The following UMAD1 variants were observed in gnomAD, a reference collection of about 807,000 sequenced individuals.
UMAD1 encodes the protein UBAP1-MVB12-associated (UMA)-domain containing protein 1.
UMAD1 carries 8 observed loss-of-function variants against 6.1 expected under a neutral mutation model. The ratio of observed to expected loss-of-function variants is 1.30; its 90% CI spans 0.76 to 2.35. The LOEUF (loss-of-function observed/expected upper bound fraction) is 2.35, where lower values mean the gene tolerates loss of function less well. Ranked by LOEUF, UMAD1 falls within the 30% of genes most tolerant of loss-of-function variation. The probability of loss-of-function intolerance (pLI) is 0.00; values close to 1 mark genes in which losing one functional copy is unlikely to be tolerated. For missense variants in UMAD1, 130 were observed against 78.4 expected, an observed-to-expected ratio of 1.66 and a Z score of -2.49; for synonymous variants, 56 against 31.4, an observed-to-expected ratio of 1.78 and a Z score of -2.61.
intron 2 of UMAD1, among the ~76,000 whole-genome samples, chr7:7,757,858 C>T (rs1393206574): frequency 6.6e-6 from 1 of 152,042 alleles, no homozygotes; most frequent in East Asian, 1.9e-4. Flanking sequence ...CTGTTGGTTC[C>T]ACTCCCGCCA....
intron 1 of UMAD1, among the ~76,000 whole-genome samples, chr7:7,671,972 A>G (rs1779616742): frequency 6.6e-6 from 1 of 152,066 alleles, no homozygotes; most frequent in African/African-American, 2.4e-5. Flanking sequence ...TATGTTTTCT[A>G]GCAACCAATA....
chr7:7,780,081 A>G (rs918104719), intron 2 of UMAD1, among the ~76,000 whole-genome samples: 9 of 152,100 alleles, frequency 5.9e-5, no homozygotes, highest in Middle Eastern at 3.2e-3. Flanking sequence ...AAGGGGCATT[A>G]TTGTTCTTTT....
chr7:7,758,978 G>A (rs1021014887), intron 2 of UMAD1, among the ~76,000 whole-genome samples: 42 of 152,158 alleles, frequency 2.8e-4, no homozygotes, highest in African/African-American at 9.9e-4. Flanking sequence ...TTGGGGACTA[G>A]TCAAATTCTG....
At chr7:7,739,278 A>G (rs1005148250) in intron 2 of UMAD1, among the ~76,000 whole-genome samples, 2 of 152,218 alleles carry the variant, frequency 1.3e-5, no homozygotes, top group African/African-American at 4.8e-5. Context: ...CATGCAGTCA[A>G]TAATATAGCT....
intron 2 of UMAD1, among the ~76,000 whole-genome samples, chr7:7,698,930 C>G (rs547330012): frequency 6.7e-6 from 1 of 149,640 alleles, no homozygotes; most frequent in African/African-American, 2.5e-5. Flanking sequence ...TAACAGCTCA[C>G]TGAAGTCTCG....
chr7:7,752,819 T>G (rs1428430129), intron 2 of UMAD1, among the ~76,000 whole-genome samples: 1 of 152,118 alleles, frequency 6.6e-6, no homozygotes, highest in Non-Finnish European at 1.5e-5. Context: ...CTATTTAAAA[T>G]TTGTAATTTT....
At chr7:7,859,256 AT>A (rs1784072148) in intron 3 of UMAD1, among the ~76,000 whole-genome samples, 1 of 152,218 alleles carries the variant, frequency 6.6e-6, no homozygotes, top group Non-Finnish European at 1.5e-5. Context: ...TGACTTCTTA[AT>A]AATTATAAAG....
chr7:7,875,037 G>A (rs867471940), intron 3 of UMAD1, among the ~76,000 whole-genome samples: 31 of 152,140 alleles, frequency 2.0e-4, no homozygotes, highest in Admixed American at 7.2e-4. Context: ...ACCTCCCAAA[G>A]TGCTGGGATT....
chr7:7,738,070 T>G (rs1020698813), intron 2 of UMAD1, among the ~76,000 whole-genome samples: 2 of 151,996 alleles, frequency 1.3e-5, no homozygotes, highest in African/African-American at 4.8e-5. Flanking sequence ...CTGAAGAATG[T>G]CACTTTAATA....
intron 3 of UMAD1, among the ~76,000 whole-genome samples, chr7:7,813,652 G>A (rs1385495140): frequency 6.6e-6 from 1 of 152,142 alleles, no homozygotes; most frequent in African/African-American, 2.4e-5. Context: ...TGAGAAGTTG[G>A]TAAATGGTTG....
intron 2 of UMAD1, among the ~76,000 whole-genome samples, chr7:7,777,480 T>C (rs1782234720): frequency 7.4e-6 from 1 of 135,380 alleles, no homozygotes; most frequent in Non-Finnish European, 1.5e-5. Flanking sequence ...CACTCCAGCC[T>C]GGGAGACAGT....
chr7:7,844,638 A>G (rs1783750082), intron 3 of UMAD1, among the ~76,000 whole-genome samples: 5 of 151,950 alleles, frequency 3.3e-5, no homozygotes, highest in Admixed American at 3.3e-4. Context: ...TCTTTTTTCC[A>G]TTTTAGTTCA....
At position 7,778,972 on chromosome 7, in the gene UMAD1, C is replaced by A. The variant is rs77729198; in HGVS notation, c.83-22698C>A. 1.8e-3 allele frequency among the ~76,000 whole-genome samples: 271 copies of A among 152,314 alleles called. 5 individuals carry two copies. In the East Asian group the frequency reaches 0.035, roughly 19 times the overall value. ...TATATGGATGATCTCATGTAAACCT[C>A]TTATCAGTCTATTATTATCTTCATC... is the stretch of plus-strand genomic sequence containing the variant. On this transcript the variant is annotated intron_variant, in intron 2 of 3. Transcript: ENST00000682710.
intron 2 of UMAD1, among the ~76,000 whole-genome samples, chr7:7,796,371 C>T (rs535929033): frequency 9.6e-4 from 144 of 150,414 alleles, no homozygotes; most frequent in African/African-American, 3.5e-3. Context: ...CCTGCTTCAG[C>T]CTCCCGAGTA....
At chr7:7,802,554 T>C (rs577914942) in intron 3 of UMAD1, among the ~76,000 whole-genome samples, 1 of 152,232 alleles carries the variant, frequency 6.6e-6, no homozygotes, top group Non-Finnish European at 1.5e-5. Context: ...TTGAAAACTA[T>C]ATAGAAATAT....
intron 2 of UMAD1, among the ~76,000 whole-genome samples, chr7:7,739,959 T>A (rs536109381): frequency 1.3e-5 from 2 of 152,220 alleles, no homozygotes; most frequent in Non-Finnish European, 2.9e-5. Flanking sequence ...CCTGTGTCAA[T>A]GGGGAAAATA....
intron 3 of UMAD1, among the ~76,000 whole-genome samples, chr7:7,871,591 T>C (rs1452777321): frequency 6.6e-6 from 1 of 152,230 alleles, no homozygotes; most frequent in African/African-American, 2.4e-5. Flanking sequence ...GTGTTCCGTA[T>C]ATGCTAGTTG....
intron 2 of UMAD1, among the ~76,000 whole-genome samples, chr7:7,754,501 T>G (rs899571402): frequency 6.6e-6 from 1 of 152,228 alleles, no homozygotes; most frequent in Non-Finnish European, 1.5e-5. Flanking sequence ...TATATACTGG[T>G]TATTAATCCC....
At chr7:7,699,056 G>C (rs569034394) in intron 2 of UMAD1, among the ~76,000 whole-genome samples, 2 of 151,038 alleles carry the variant, frequency 1.3e-5, no homozygotes, top group East Asian at 1.9e-4. Context: ...GTGTGGGGGG[G>C]GGGTAGATAC....
Sources: allele counts gnomAD v4.1 joint callset (sites outside exome capture counted in the v4.1 genomes callset), GRCh38; gene constraint gnomAD v4.1.1; transcripts MANE v1.5; gene names NCBI Gene and HGNC (gene_info 2026-07-23, HGNC 2026-07-21).